STK32C: variants seen among roughly 807,000 people sequenced by gnomAD.
STK32C encodes the protein serine/threonine-protein kinase 32C.
A neutral mutation model predicts 56.5 loss-of-function variants in STK32C; 31 were observed. The observed-to-expected ratio is 0.55, with a 90% CI of 0.41 to 0.74. STK32C has a LOEUF of 0.74. STK32C is among the 30% of genes least tolerant of loss of function. The probability of loss-of-function intolerance (pLI) is 0.00; values close to 1 mark genes in which losing one functional copy is unlikely to be tolerated. For synonymous variants in STK32C, 309 were observed against 289.4 expected (o/e 1.07, Z -0.69); for missense variants, 544 against 676.9 (o/e 0.80, Z 2.18).
At chr10:132,273,478 A>G (rs1290771296) in intron 1 of STK32C, among the ~76,000 whole-genome samples, 1 of 150,812 alleles carries the variant, frequency 6.6e-6, no homozygotes, top group Non-Finnish European at 1.5e-5. Flanking sequence ...GTGAATGGTG[A>G]GTGAGTGAAC....
At chr10:132,217,027 G>T (rs897421934) in intron 10 of STK32C, among the ~76,000 whole-genome samples, 17 of 151,576 alleles carry the variant, frequency 1.1e-4, no homozygotes, top group Non-Finnish European at 2.4e-4. Context: ...GGAGCTCTGA[G>T]AAGAGGGCCA....
At chr10:132,331,394 A>G (rs181707616) in intron 1 of STK32C, 7 of 1,566,812 alleles carry the variant, frequency 4.5e-6, no homozygotes, top group East Asian at 4.5e-5. Context: ...GTGTCATTTC[A>G]TCTTCTTCCA....
chr10:132,245,923 T>A lies in STK32C; in HGVS notation c.295A>T (p.Ile99Phe), dbSNP rs1199175985. 1 of 1,613,272 alleles carries A rather than the reference T, an allele frequency of 6.2e-7. No homozygotes were observed. The highest frequency in any genetic ancestry group is 8.5e-7 in the Non-Finnish European group (1 of 1,179,980). Reference sequence around the variant, plus strand: ...ACCTTGCCAAAGCTGCCCTTCCCAATGGCCCGAAGGATCTGGAAGTGGTCG... The same window carrying A: ...ACCTTGCCAAAGCTGCCCTTCCCAAAGGCCCGAAGGATCTGGAAGTGGTCG... ...NFDHFQILRA[I>F]GKGSFGKVCI... The change falls in exon 2 of 12, where the codon ATT becomes TTT. Residue 99 changes from isoleucine to phenylalanine, a missense_variant. Physicochemically the swap from Ile to Phe is conservative, Grantham distance 21. Transcript: ENST00000298630.
intron 1 of STK32C, among the ~76,000 whole-genome samples, chr10:132,291,774 C>T (rs1287606592): frequency 7.2e-6 from 1 of 139,436 alleles, no homozygotes; most frequent in Non-Finnish European, 1.6e-5. Context: ...CTCTGACCTG[C>T]CTGCCGTCCT....
intron 1 of STK32C, among the ~76,000 whole-genome samples, chr10:132,299,265 C>T (rs1287062787): frequency 2.6e-5 from 4 of 152,028 alleles, no homozygotes; most frequent in Non-Finnish European, 5.9e-5. Context: ...ACAGCTAATC[C>T]ACCAGCCAAC....
chr10:132,258,753 C>G (rs1289433116), intron 1 of STK32C, among the ~76,000 whole-genome samples: 5 of 152,234 alleles, frequency 3.3e-5, no homozygotes, highest in East Asian at 3.8e-4. Context: ...CCCACTGCCC[C>G]TCCTGAGCGG....
At chr10:132,245,841 G>T in intron 2 of STK32C, 59 bp downstream of exon 2, 1 of 1,538,724 alleles carries the variant, frequency 6.5e-7, no homozygotes, top group Non-Finnish European at 8.9e-7. Flanking sequence ...CAGCATGTCC[G>T]ACTCCACGGT....
At chr10:132,306,742 CG>C (rs1365499699) in intron 1 of STK32C, among the ~76,000 whole-genome samples, 1 of 152,198 alleles carries the variant, frequency 6.6e-6, no homozygotes, top group Non-Finnish European at 1.5e-5. Flanking sequence ...CATCAATGTA[CG>C]ATTTTAAATG....
chr10:132,286,469 C>T (rs910109139), intron 1 of STK32C, among the ~76,000 whole-genome samples: 2 of 152,106 alleles, frequency 1.3e-5, no homozygotes, highest in Middle Eastern at 3.2e-3. Context: ...CAGACAAGGA[C>T]ACTGCAGGAA....
chr10:132,279,770 C>T (rs114948972), intron 1 of STK32C, among the ~76,000 whole-genome samples: 2,324 of 149,234 alleles, frequency 0.016, 62 homozygotes, highest in African/African-American at 0.053. Context: ...TCCGTGATCA[C>T]GCCCCTGTAC....
At chr10:132,293,954 G>A (rs960315042) in intron 1 of STK32C, among the ~76,000 whole-genome samples, 5 of 152,186 alleles carry the variant, frequency 3.3e-5, no homozygotes, top group East Asian at 1.9e-4. Flanking sequence ...GGCCCCCGAG[G>A]GAGCTCAGAG....
intron 1 of STK32C, among the ~76,000 whole-genome samples, chr10:132,256,566 C>T (rs924946862): frequency 1.6e-4 from 24 of 152,318 alleles, no homozygotes; most frequent in Middle Eastern, 3.4e-3. Flanking sequence ...TGCCTGAGAC[C>T]GCAGGAGTCG....
At position 132,328,047 on chromosome 10, in the gene STK32C, C is replaced by T. The variant is rs573520640; in HGVS notation, c.301+3389G>A. ...CTCTGTAACTGCCCTATGGGTTCAC[C>T]TTGCCTGCTGCCTAGACAGAGCCCA... On this transcript the variant is annotated intron_variant, in intron 1 of 1. Coordinates refer to the STK32C transcript ENST00000368619. 1.1e-4 allele frequency among the ~76,000 whole-genome samples: 17 copies of T among 152,288 alleles called. No individual in the cohort carries two copies. The South Asian group carries it at 3.3e-3, about 30-fold the overall frequency.
chr10:132,212,944 G>A (rs993222430), intron 10 of STK32C, among the ~76,000 whole-genome samples: 6 of 152,248 alleles, frequency 3.9e-5, no homozygotes, highest in South Asian at 2.1e-4. Flanking sequence ...GATGGTGTGT[G>A]GGAACACCTC....
chr10:132,241,123 G>A (rs1262506723), intron 2 of STK32C, among the ~76,000 whole-genome samples: 1 of 152,202 alleles, frequency 6.6e-6, no homozygotes, highest in Non-Finnish European at 1.5e-5. Context: ...TTATTCCCAG[G>A]AGCACCAGCC....
intron 1 of STK32C, among the ~76,000 whole-genome samples, chr10:132,259,482 G>A (rs2064234705): frequency 6.6e-6 from 1 of 152,116 alleles, no homozygotes; most frequent in Admixed American, 6.5e-5. Flanking sequence ...CTGGTGGGAG[G>A]TGACTGGATC....
Position 132,307,838 on chromosome 10 carries a change from G to T in STK32C, c.-5C>A, listed in dbSNP as rs1341870768. On this transcript the variant is annotated 5_prime_UTR_variant, in exon 1 of 12. Coordinates refer to ENST00000298630, the MANE Select transcript of STK32C (RefSeq NM_173575.4). This position sits in a 1 kb window ranked among gnomAD's most constrained non-coding sequence, Gnocchi z 4.4. Reference sequence around the variant, plus strand: ...GCGCTCGGCGCCACTCCTCATCGCCGGGTCTGGGTGCGCGCGGCAGCCGGA... The same window carrying T: ...GCGCTCGGCGCCACTCCTCATCGCCTGGTCTGGGTGCGCGCGGCAGCCGGA... 1 of 1,129,638 alleles carries T rather than the reference G, an allele frequency of 8.9e-7. No homozygotes were observed. The highest frequency in any genetic ancestry group is 1.9e-5 in the South Asian group (1 of 52,116). The allele number at this position is 1,129,638 out of a possible 1,614,324, so 70.0% of individuals were successfully genotyped here.
At chr10:132,300,170 CAA>C (rs1162569347) in intron 1 of STK32C, among the ~76,000 whole-genome samples, 3 of 152,340 alleles carry the variant, frequency 2.0e-5, no homozygotes, top group African/African-American at 4.8e-5. Flanking sequence ...GATGTGAATT[CAA>C]AAGAGGAGAA....
At chr10:132,282,477 GCGCC>G (rs1355000802) in intron 1 of STK32C, among the ~76,000 whole-genome samples, 1 of 106,268 alleles carries the variant, frequency 9.4e-6, no homozygotes, top group African/African-American at 5.6e-5. Flanking sequence ...ACCTGTACCT[GCGCC>G]CACCTGTGCC....
Sources: allele counts gnomAD v4.1 joint callset (sites outside exome capture counted in the v4.1 genomes callset), GRCh38; gene constraint gnomAD v4.1.1; non-coding constraint Gnocchi (gnomAD v3.1); transcripts MANE v1.5; gene names NCBI Gene and HGNC (gene_info 2026-07-23, HGNC 2026-07-21).